Variants in CTNNA3 observed in about 807,000 individuals in gnomAD.
CTNNA3 encodes the protein catenin alpha-3.
Under a neutral mutation model 95.7 loss-of-function variants are expected in CTNNA3, and 76 were observed. That is an observed-to-expected ratio of 0.79 (90% confidence interval 0.66 to 0.96). CTNNA3 has a LOEUF of 0.96. Among genes scored for constraint, CTNNA3 ranks in the 40% least tolerant of loss-of-function variants. The pLI is 0.00. For synonymous variants in CTNNA3, 431 were observed against 374.4 expected (o/e 1.15, Z -1.74); for missense variants, 1,191 against 1,089.8 (o/e 1.09, Z -1.31).
At chr10:67,202,742 C>A (rs1379934269) in intron 6 of CTNNA3, among the ~76,000 whole-genome samples, 1 of 151,750 alleles carries the variant, frequency 6.6e-6, no homozygotes, top group Non-Finnish European at 1.5e-5. Context: ...AAAGTTTGCA[C>A]CAGGTGGTAG....
chr10:66,833,407 C>G (rs756094366), intron 7 of CTNNA3, among the ~76,000 whole-genome samples: 1 of 152,178 alleles, frequency 6.6e-6, no homozygotes, highest in South Asian at 2.1e-4. Flanking sequence ...GCACTGACTA[C>G]GTGCAAATCC....
chr10:67,642,017 T>C (rs922050548), intron 2 of CTNNA3, among the ~76,000 whole-genome samples: 1 of 151,808 alleles, frequency 6.6e-6, no homozygotes, highest in African/African-American at 2.4e-5. Flanking sequence ...AAAAAAACAA[T>C]AATAATAATT....
At chr10:66,002,502 C>A (rs542661499) in intron 15 of CTNNA3, among the ~76,000 whole-genome samples, 4 of 152,268 alleles carry the variant, frequency 2.6e-5, no homozygotes, top group African/African-American at 9.6e-5. Flanking sequence ...CCATATTATT[C>A]AGAGTAGCCT....
chr10:65,983,226 T>C (rs1321956835), intron 16 of CTNNA3, among the ~76,000 whole-genome samples: 1 of 151,644 alleles, frequency 6.6e-6, no homozygotes, highest in Non-Finnish European at 1.5e-5. Context: ...TTTGGCAAAA[T>C]TACAAGGAGG....
chr10:67,758,386 AAC>A (rs1289848299), intron 1 of CTNNA3, among the ~76,000 whole-genome samples: 1 of 151,686 alleles, frequency 6.6e-6, no homozygotes, highest in African/African-American at 2.4e-5. Flanking sequence ...TTCTCTAGAG[AAC>A]CCTAATACAG....
chr10:67,061,112 C>T (rs1005307944), intron 7 of CTNNA3, among the ~76,000 whole-genome samples: 19 of 152,096 alleles, frequency 1.2e-4, no homozygotes, highest in Middle Eastern at 3.4e-3. Context: ...TAAAAATTAA[C>T]GGTTTGGGGA....
intron 5 of CTNNA3, among the ~76,000 whole-genome samples, chr10:67,297,249 A>T (rs1419555753): frequency 6.6e-6 from 1 of 152,192 alleles, no homozygotes. Flanking sequence ...CTCACACTCC[A>T]TGACAGTTCC....
intron 11 of CTNNA3, among the ~76,000 whole-genome samples, chr10:66,495,460 C>A (rs960854668): frequency 3.3e-5 from 5 of 152,054 alleles, no homozygotes; most frequent in African/African-American, 1.2e-4. Flanking sequence ...AAAAAAAATT[C>A]TATTGTTTAT....
intron 1 of CTNNA3, among the ~76,000 whole-genome samples, chr10:67,760,336 C>T (rs1456392711): frequency 6.6e-6 from 1 of 152,152 alleles, no homozygotes; most frequent in Non-Finnish European, 1.5e-5. Context: ...AATTTATATG[C>T]CATTGTGCCA....
At position 65,914,615 on chromosome 10, in the gene CTNNA3, G is replaced by A. The variant is rs1452858261; in HGVS notation, c.*5715C>T. 6.6e-6 allele frequency: 1 copy of A among 152,118 alleles called. No individual in the cohort carries two copies. The highest frequency in any genetic ancestry group is 1.5e-5 in the Non-Finnish European group (1 of 68,018). The allele number at this position is 152,118 out of a possible 1,614,324, so 9.4% of individuals were successfully genotyped here. ...TACAATAATCCTTGGCCAACACTCT[G>A]CTGCAATCTATAATTTTAAACACAG... On this transcript the variant is annotated 3_prime_UTR_variant, in exon 18 of 18. Transcript: ENST00000433211.
intron 11 of CTNNA3, among the ~76,000 whole-genome samples, chr10:66,486,511 A>G (rs1839731565): frequency 1.3e-5 from 2 of 152,182 alleles, no homozygotes; most frequent in Admixed American, 1.3e-4. Flanking sequence ...TACACCTATT[A>G]GGATGGCTGT....
At chr10:67,725,468 C>G (rs960677152) in intron 1 of CTNNA3, among the ~76,000 whole-genome samples, 1 of 152,120 alleles carries the variant, frequency 6.6e-6, no homozygotes, top group African/African-American at 2.4e-5. Flanking sequence ...TGAGCCACTG[C>G]GCCCGGCCTT....
intron 5 of CTNNA3, among the ~76,000 whole-genome samples, chr10:67,284,438 A>G (rs1839516011): frequency 6.6e-6 from 1 of 152,224 alleles, no homozygotes. Flanking sequence ...TTTTGTTCAA[A>G]AGCAACATCT....
At chr10:66,371,774 AAAG>A (rs1256185967) in intron 12 of CTNNA3, among the ~76,000 whole-genome samples, 2 of 152,168 alleles carry the variant, frequency 1.3e-5, no homozygotes, top group Non-Finnish European at 2.9e-5. Context: ...CACTGTCTGC[AAAG>A]AAGCTCGAAG....
intron 12 of CTNNA3, among the ~76,000 whole-genome samples, chr10:66,334,531 T>C (rs1219644321): frequency 6.6e-6 from 1 of 152,024 alleles, no homozygotes; most frequent in African/African-American, 2.4e-5. Context: ...GGTTGAAAAT[T>C]CTTTTCTTTA....
At position 66,377,412 on chromosome 10, in the gene CTNNA3, A is replaced by G. The variant is rs536676420; in HGVS notation, c.1732+1740T>C. Among the ~76,000 whole-genome samples the G allele has an allele frequency of 9.2e-5, 14 of 152,256 alleles. No individual in the cohort carries two copies. In the South Asian group the frequency reaches 2.7e-3, roughly 29 times the overall value. ...GGATTAGCTATCTAGAAAGGTTATT[A>G]TAAATCAAAGAGGTATTAATAAACT... On this transcript the variant is annotated intron_variant, in intron 12 of 17. Coordinates refer to ENST00000433211, the MANE Select transcript of CTNNA3 (RefSeq NM_013266.4).
At chr10:66,583,173 CTCT>C (rs1193980544) in intron 10 of CTNNA3, among the ~76,000 whole-genome samples, 1 of 151,746 alleles carries the variant, frequency 6.6e-6, no homozygotes, top group Admixed American at 6.6e-5. Flanking sequence ...AGGGAGGATT[CTCT>C]TCTTCTCAAT....
At chr10:66,948,977 TA>T (rs1329257279) in intron 7 of CTNNA3, among the ~76,000 whole-genome samples, 3 of 152,200 alleles carry the variant, frequency 2.0e-5, no homozygotes, top group African/African-American at 7.2e-5. Flanking sequence ...ATAATTGTGT[TA>T]TTTTTTTCTT....
At chr10:66,136,927 T>C (rs1208033804) in intron 13 of CTNNA3, among the ~76,000 whole-genome samples, 4 of 152,094 alleles carry the variant, frequency 2.6e-5, no homozygotes, top group Non-Finnish European at 5.9e-5. Flanking sequence ...GTTCAAGCAA[T>C]TCTCCTGACT....
Sources: gnomAD v4.1 joint callset for allele counts (sites outside exome capture counted in the v4.1 genomes callset) on GRCh38, gnomAD v4.1.1 for gene constraint, MANE v1.5 for transcripts, NCBI Gene and HGNC (gene_info 2026-07-23, HGNC 2026-07-21) for gene names.